ITPR2: variants seen among roughly 807,000 people sequenced by gnomAD.
ITPR2 encodes inositol 1,4,5-trisphosphate receptor type 2.
A neutral mutation model predicts 317.1 loss-of-function variants in ITPR2; 207 were observed. That is an observed-to-expected ratio of 0.65 (90% confidence interval 0.58 to 0.73). The LOEUF (loss-of-function observed/expected upper bound fraction) is 0.73, where lower values mean the gene tolerates loss of function less well. Among genes scored for constraint, ITPR2 ranks in the 30% least tolerant of loss-of-function variants. ITPR2 has a pLI of 0.00. For synonymous variants in ITPR2, 1,156 were observed against 1,149.1 expected, an observed-to-expected ratio of 1.01 and a Z score of -0.12; for missense variants, 2,613 against 3,284.0, an observed-to-expected ratio of 0.80 and a Z score of 4.99.
At chr12:26,340,041 G>C (rs1938054009) in intron 56 of ITPR2, 126 bp downstream of exon 56, 1 of 876,640 alleles carries the variant, frequency 1.1e-6, no homozygotes. Flanking sequence ...ACAACGTGAG[G>C]TTTCTTTCTC....
rs1196828540 is a variant in ITPR2, at chr12:26,781,990, CTGTATATA to C, written c.163+8159_163+8166del. On this transcript the variant is annotated intron_variant, in intron 2 of 56. Coordinates refer to ENST00000381340, the MANE Select transcript of ITPR2 (RefSeq NM_002223.4). The stretch of plus-strand genomic sequence containing the variant: ...AGTTAATACTACTTAATAAACTCCC[CTGTATATA>C]TATATATATATATATATATATATAT... Among the ~76,000 whole-genome samples the C allele has an allele frequency of 3.7e-3, 223 of 60,338 alleles. 3 individuals are homozygous for C. The highest frequency in any genetic ancestry group is 0.014 in the African/African-American group (218 of 15,044). The allele number at this position is 60,338 out of a possible 152,430, so 39.6% of individuals were successfully genotyped here.
At chr12:26,782,018 ATATATATATATATAT>A (rs1565759789) in intron 2 of ITPR2, among the ~76,000 whole-genome samples, 584 of 28,908 alleles carry the variant, frequency 0.02, 17 homozygotes, top group African/African-American at 0.046. Flanking sequence ...ATATATATAT[ATATATATATATATAT>A]GTATAGAGAG....
At chr12:26,516,275 G>GGAAGGGAAAGGAAGGGAAAGGAAGGGAAA (rs1565574550) in intron 37 of ITPR2, among the ~76,000 whole-genome samples, 5 of 37,782 alleles carry the variant, frequency 1.3e-4, no homozygotes, top group Non-Finnish European at 2.5e-4. Context: ...AGGAAAGGAA[G>GGAAGGGAAAGGAAGGGAAAGGAAGGGAAA]GGAAGGGAAG....
rs1392973434 is a variant in ITPR2 at position 26,428,222 on chromosome 12, G to GTTC, written c.6770-137_6770-135dup. 3 of 532,130 alleles carry GTTC rather than the reference G, an allele frequency of 5.6e-6. No homozygotes were observed. In the Admixed American group the frequency reaches 1.2e-4, roughly 22 times the overall value. The allele number at this position is 532,130 out of a possible 1,614,324, so 33.0% of individuals were successfully genotyped here. On this transcript the variant is annotated intron_variant, in intron 48 of 56. Coordinates refer to ENST00000381340, the MANE Select transcript of ITPR2 (RefSeq NM_002223.4). The stretch of plus-strand genomic sequence containing the variant: ...TAAATTTCAAAATGACCCCATCTAC[G>GTTC]TTCTTTATATTTCAAGGAAATGTCT...
intron 34 of ITPR2, among the ~76,000 whole-genome samples, chr12:26,576,894 C>A (rs979150001): frequency 2.6e-5 from 4 of 152,108 alleles, no homozygotes. Context: ...GAGGACAGAG[C>A]CCTCATAAAT....
At chr12:26,402,292 G>A (rs1277236545) in intron 52 of ITPR2, among the ~76,000 whole-genome samples, 1 of 152,198 alleles carries the variant, frequency 6.6e-6, no homozygotes, top group Non-Finnish European at 1.5e-5. Context: ...ATGTCTACAT[G>A]CTACTTTGCC....
intron 13 of ITPR2, among the ~76,000 whole-genome samples, chr12:26,674,985 A>T (rs1336270654): frequency 6.6e-6 from 1 of 152,134 alleles, no homozygotes; most frequent in Non-Finnish European, 1.5e-5. Context: ...TGCAAATCAA[A>T]ACCACAATGA....
intron 43 of ITPR2, among the ~76,000 whole-genome samples, chr12:26,479,455 A>C (rs757274841): frequency 2.0e-4 from 31 of 152,242 alleles, no homozygotes; most frequent in Admixed American, 3.9e-4. Flanking sequence ...ATTAATTACA[A>C]ATGAAATTTA....
chr12:26,476,870 T>A, intron 44 of ITPR2, 42 bp downstream of exon 44: 1 of 1,373,766 alleles, frequency 7.3e-7, no homozygotes, highest in Non-Finnish European at 1.0e-6. Context: ...TTTTTCCTTT[T>A]AGGCTACCCA....
intron 37 of ITPR2, among the ~76,000 whole-genome samples, chr12:26,548,216 T>G (rs896328249): frequency 2.0e-5 from 3 of 152,216 alleles, no homozygotes; most frequent in African/African-American, 7.2e-5. Flanking sequence ...TCCACAAAGA[T>G]AGCCGGTGGC....
intron 37 of ITPR2, among the ~76,000 whole-genome samples, chr12:26,499,882 T>C (rs1017869094): frequency 9.2e-5 from 14 of 152,212 alleles, no homozygotes; most frequent in Admixed American, 1.3e-4. Context: ...TACTTCACTA[T>C]ATAAAATGTA....
At chr12:26,590,338 T>C in intron 32 of ITPR2, among the ~76,000 whole-genome samples, 1 of 152,214 alleles carries the variant, frequency 6.6e-6, no homozygotes, top group Non-Finnish European at 1.5e-5. Flanking sequence ...TTAACTGAAT[T>C]ATTTTGTGTT....
At chr12:26,402,443 G>A (rs1352302808) in intron 52 of ITPR2, among the ~76,000 whole-genome samples, 1 of 152,214 alleles carries the variant, frequency 6.6e-6, no homozygotes, top group Non-Finnish European at 1.5e-5. Flanking sequence ...AACGCTACAG[G>A]AGAGGGCTTC....
At chr12:26,645,907 C>A (rs1947102015) in intron 21 of ITPR2, among the ~76,000 whole-genome samples, 1 of 151,414 alleles carries the variant, frequency 6.6e-6, no homozygotes, top group Admixed American at 6.6e-5. Flanking sequence ...TCCACATACA[C>A]ACTTTTTCAT....
intron 45 of ITPR2, among the ~76,000 whole-genome samples, chr12:26,452,957 T>C (rs1356098525): frequency 6.6e-6 from 1 of 152,190 alleles, no homozygotes; most frequent in African/African-American, 2.4e-5. Flanking sequence ...AGGAGGTTTG[T>C]ATAATTATAT....
intron 34 of ITPR2, among the ~76,000 whole-genome samples, chr12:26,573,562 G>A (rs1403139994): frequency 6.6e-6 from 1 of 152,138 alleles, no homozygotes; most frequent in Non-Finnish European, 1.5e-5. Flanking sequence ...ATGATAAGGA[G>A]CAGGAAGAAG....
chr12:26,591,655 C>A (rs1271832581), intron 32 of ITPR2, among the ~76,000 whole-genome samples: 1 of 151,756 alleles, frequency 6.6e-6, no homozygotes, highest in African/African-American at 2.4e-5. Flanking sequence ...CATGGTGAAA[C>A]CCCATCTCTA....
intron 37 of ITPR2, among the ~76,000 whole-genome samples, chr12:26,503,756 G>A (rs957690703): frequency 6.6e-6 from 1 of 152,142 alleles, no homozygotes; most frequent in African/African-American, 2.4e-5. Flanking sequence ...TTATGTTCTT[G>A]GCCCATAGCA....
At chr12:26,459,439 A>T (rs963863635) in intron 45 of ITPR2, among the ~76,000 whole-genome samples, 9 of 152,174 alleles carry the variant, frequency 5.9e-5, no homozygotes, top group African/African-American at 2.2e-4. Flanking sequence ...TTCTCTGTTC[A>T]CTGCAGTCCA....
Sources: allele counts gnomAD v4.1 joint callset (sites outside exome capture counted in the v4.1 genomes callset), GRCh38; gene constraint gnomAD v4.1.1; transcripts MANE v1.5; gene names NCBI Gene and HGNC (gene_info 2026-07-23, HGNC 2026-07-21).